PIGH: variants seen among roughly 807,000 people sequenced by gnomAD.
The protein encoded by PIGH is phosphatidylinositol N-acetylglucosaminyltransferase subunit H.
Under a neutral mutation model 20.1 loss-of-function variants are expected in PIGH, and 11 were observed. The observed-to-expected ratio is 0.55, with a 90% CI of 0.34 to 0.91. The LOEUF is 0.91. PIGH is among the 40% of genes least tolerant of loss of function. PIGH has a pLI of 0.02. For missense variants in PIGH, 189 were observed against 233.6 expected (o/e 0.81, Z 1.24); for synonymous variants, 72 against 93.1 (o/e 0.77, Z 1.31).
In PIGH at chr14:67,600,179, C is replaced by G; in HGVS notation, c.25G>C (p.Asp9His). The G allele has an allele frequency of 6.3e-7, 1 of 1,586,592 alleles. No homozygotes were observed. The highest frequency in any genetic ancestry group is 1.7e-4 in the Middle Eastern group (1 of 6,016). Reference protein sequence around the residue: MEDERSFSDICGGRLALQR... With the variant: MEDERSFSHICGGRLALQR... ...AGCGCCAGGCGGCCGCCGCAGATATCCGAAAAGCTCCGCTCATCCTCCATG... is the reference window on the plus strand; with the variant it reads ...AGCGCCAGGCGGCCGCCGCAGATATGCGAAAAGCTCCGCTCATCCTCCATG... The change falls in exon 1 of 4, where the codon GAT (aspartate) becomes CAT (histidine). Residue 9 changes from aspartate to histidine, a missense_variant. Physicochemically the swap from Asp to His is moderately conservative, Grantham distance 81. Coordinates refer to ENST00000216452, the MANE Select transcript of PIGH (RefSeq NM_004569.5).
chr14:67,598,957 GCC>G (rs892770630), intron 1 of PIGH, among the ~76,000 whole-genome samples: 4 of 151,922 alleles, frequency 2.6e-5, no homozygotes, highest in African/African-American at 9.7e-5. Flanking sequence ...TGATCCGCCC[GCC>G]TCAGCTTCCC....
chr14:67,593,725 T>TA lies in PIGH; in HGVS notation c.390+17dup. 1 of 1,531,800 alleles carries TA rather than the reference T, an allele frequency of 6.5e-7. No homozygotes were observed. The highest frequency in any genetic ancestry group is 9.0e-7 in the Non-Finnish European group (1 of 1,105,314). The allele number at this position is 1,531,800 out of a possible 1,614,324, so 94.9% of individuals were successfully genotyped here. ...CTCCTCCAGAGAGGCCTGTAATACT[T>TA]ACCTTTTAAATACTTACCATGTAAA... On this transcript the variant is annotated intron_variant, in intron 2 of 3. Transcript: ENST00000216452.
chr14:67,597,417 G>GT (rs565565581), intron 1 of PIGH, among the ~76,000 whole-genome samples: 223 of 152,168 alleles, frequency 1.5e-3, no homozygotes, highest in African/African-American at 5.2e-3. Context: ...GACTGAGGCT[G>GT]TAGTGAGGGG....
chr14:67,599,409 A>G (rs2036532662), intron 1 of PIGH, among the ~76,000 whole-genome samples: 1 of 152,240 alleles, frequency 6.6e-6, no homozygotes. Context: ...GAATCTGGAA[A>G]TTGAGCACAG....
intron 1 of PIGH, among the ~76,000 whole-genome samples, chr14:67,599,231 C>T (rs2036529001): frequency 6.6e-6 from 1 of 152,180 alleles, no homozygotes; most frequent in Non-Finnish European, 1.5e-5. Flanking sequence ...TCAATTCAGG[C>T]ACTACATATG....
At chr14:67,594,210 G>A (rs1000295949) in intron 1 of PIGH, among the ~76,000 whole-genome samples, 3 of 152,180 alleles carry the variant, frequency 2.0e-5, no homozygotes, top group African/African-American at 4.8e-5. Flanking sequence ...TCAGCTGAAC[G>A]CAGTAGCTTG....
At chr14:67,594,763 T>C (rs2036439515) in intron 1 of PIGH, among the ~76,000 whole-genome samples, 2 of 152,198 alleles carry the variant, frequency 1.3e-5, no homozygotes, top group Admixed American at 6.5e-5. Flanking sequence ...TATTTAGTTC[T>C]AGCACTCAAA....
chr14:67,590,144 A>T lies in PIGH; in HGVS notation c.503T>A (p.Ile168Asn). ...QSAKPRLDCL[I>N]EVYRSCQEIL... ...CTCCTGGCAGCTCCTGTATACTTCA[A>T]TCAAGCAGTCCAGCCGGGGCTTGGC... The change falls in exon 4 of 4, where the codon ATT (isoleucine) becomes AAT (asparagine). Residue 168 changes from isoleucine (I) to asparagine (N), a missense_variant. Ile to Asn is a moderately radical substitution (Grantham distance 149). Coordinates refer to ENST00000216452, the MANE Select transcript of PIGH (RefSeq NM_004569.5). The T allele has an allele frequency of 6.4e-7, 1 of 1,551,212 alleles. No homozygotes were observed. The highest frequency in any genetic ancestry group is 8.7e-7 in the Non-Finnish European group (1 of 1,146,814).
Position 67,592,235 on chromosome 14 carries a change from G to T in PIGH, c.474+400C>A, listed in dbSNP as rs1175781402. The T allele has an allele frequency of 1.1e-5, 3 of 277,798 alleles. No homozygotes were observed. The Admixed American group carries it at 1.4e-4, about 13-fold the overall frequency. The allele number at this position is 277,798 out of a possible 1,614,324, so 17.2% of individuals were successfully genotyped here. ...GAATTGCTTGAACTCAGGAGTTCAAGATCAGCCTAGGCAACATGGCAAGAC... is the reference window on the plus strand; with the variant it reads ...GAATTGCTTGAACTCAGGAGTTCAATATCAGCCTAGGCAACATGGCAAGAC... On this transcript the variant is annotated intron_variant, in intron 3 of 3. Transcript: ENST00000216452.
At chr14:67,592,584 A>C (rs752882117) in intron 3 of PIGH, 51 bp downstream of exon 3, 10 of 1,079,348 alleles carry the variant, frequency 9.3e-6, no homozygotes, top group Admixed American at 1.8e-5. Flanking sequence ...TACATTCCTA[A>C]TGAAAAGGTT....
chr14:67,593,904 G>A lies in PIGH; in HGVS notation c.229C>T (p.Leu77Phe), dbSNP rs370375274. 1.1e-5 allele frequency: 18 copies of A among 1,613,430 alleles called. No homozygotes were observed. Among genetic ancestry groups the A allele is most frequent in the Non-Finnish European group, 1.4e-5 (17 of 1,179,612 alleles). ...ATCTTCACAAAATGGAGATAACCAA[G>A]CAGACCTAAGAGGGTGATGAAGATG... Reference protein sequence around the residue: ...AAIFITLLGLLGYLHFVKIDQ... With the variant: ...AAIFITLLGLFGYLHFVKIDQ... The change falls in exon 2 of 4, where the codon CTT becomes TTT. Residue 77 changes from leucine (L) to phenylalanine (F), a missense_variant. Coordinates refer to ENST00000216452, the MANE Select transcript of PIGH (RefSeq NM_004569.5).
At chr14:67,597,904 A>C (rs1460846730) in intron 1 of PIGH, among the ~76,000 whole-genome samples, 1 of 152,236 alleles carries the variant, frequency 6.6e-6, no homozygotes, top group Non-Finnish European at 1.5e-5. Flanking sequence ...GGTTGGAATA[A>C]ACAAGGGAAC....
intron 2 of PIGH, chr14:67,593,109 G>A (rs1321289491): frequency 5.9e-6 from 1 of 169,334 alleles, no homozygotes; most frequent in South Asian, 1.5e-4. Context: ...TCTAAGGGAA[G>A]GCTCAACACT....
In PIGH at chr14:67,589,580, A is replaced by G. The variant is rs1209798760; in HGVS notation, c.*500T>C. On this transcript the variant is annotated 3_prime_UTR_variant, in exon 4 of 4. Coordinates refer to ENST00000216452, the MANE Select transcript of PIGH (RefSeq NM_004569.5). Reference sequence around the variant, plus strand: ...TCTGTTTATTAACAGTAAATAAATAAGCCCTGTACAGAACACAGGCACTAG... The same window carrying G: ...TCTGTTTATTAACAGTAAATAAATAGGCCCTGTACAGAACACAGGCACTAG... The G allele has an allele frequency of 2.0e-6, 2 of 985,318 alleles. No individual in the cohort carries two copies. Among genetic ancestry groups the G allele is most frequent in the African/African-American group, 3.5e-5 (2 of 57,230 alleles). 61.0% of individuals were successfully genotyped at this position (985,318 alleles called of 1,614,324 possible).
rs1004169544 is a variant in PIGH at position 67,590,187 on chromosome 14, G to A, written c.475-15C>T. The A allele has an allele frequency of 1.9e-6, 3 of 1,546,032 alleles. No homozygotes were observed. Among genetic ancestry groups the A allele is most frequent in the Non-Finnish European group, 2.6e-6 (3 of 1,145,086 alleles). On this transcript the variant is annotated splice_polypyrimidine_tract_variant and intron_variant, in intron 3 of 3. Transcript: ENST00000216452. ...GGCTTGGCACTCTGAATTCCAAAGG[G>A]GAGAAATGCGGAGTCAAGGTGAGAA...
chr14:67,595,135 TA>T (rs11345212), intron 1 of PIGH, among the ~76,000 whole-genome samples: 109,244 of 151,378 alleles, frequency 0.72, 40,685 homozygotes, highest in Middle Eastern at 0.83. Flanking sequence ...AGACTCCGTC[TA>T]AAAAAAATAA....
At position 67,589,618 on chromosome 14, in the gene PIGH, G is replaced by A. The variant is rs1379760848; in HGVS notation, c.*462C>T. 2.0e-4 allele frequency: 202 copies of A among 985,740 alleles called. No individual in the cohort carries two copies. Among genetic ancestry groups the A allele is most frequent in the Non-Finnish European group, 2.3e-4 (191 of 830,094 alleles). 61.1% of individuals were successfully genotyped at this position (985,740 alleles called of 1,614,324 possible). ...ACACAGGCACTAGGTTGACAGACTCGTCTTTTGTAGGACATTTCTTCCTGC... is the reference window on the plus strand; with the variant it reads ...ACACAGGCACTAGGTTGACAGACTCATCTTTTGTAGGACATTTCTTCCTGC... On this transcript the variant is annotated 3_prime_UTR_variant, in exon 4 of 4. Coordinates refer to ENST00000216452, the MANE Select transcript of PIGH (RefSeq NM_004569.5).
At position 67,600,208 on chromosome 14, in the gene PIGH, C is replaced by G; in HGVS notation, c.-5G>C. On this transcript the variant is annotated 5_prime_UTR_variant, in exon 1 of 4. Coordinates refer to ENST00000216452, the MANE Select transcript of PIGH (RefSeq NM_004569.5). ...AAAGCTCCGCTCATCCTCCATGACGCCCCCACTCGGCCGCCCGCACCGCGC... is the reference window on the plus strand; with the variant it reads ...AAAGCTCCGCTCATCCTCCATGACGGCCCCACTCGGCCGCCCGCACCGCGC... The G allele has an allele frequency of 1.3e-6, 2 of 1,566,788 alleles. No individual in the cohort carries two copies. The highest frequency in any genetic ancestry group is 8.6e-7 in the Non-Finnish European group (1 of 1,157,464).
rs760068160 is a variant in PIGH, at chr14:67,592,665, A to G, written c.444T>C (p.His148=). Reference sequence around the variant, plus strand: ...AGACGGGTACTACTTGGGATATCCCATGTGGTTCCACTGGATCTTTCAATA... The same window carrying G: ...AGACGGGTACTACTTGGGATATCCCGTGTGGTTCCACTGGATCTTTCAATA... The part of the protein sequence containing the change: ...CILLKDPVEP[H]GISQVVPVFQ... Residue 148 remains histidine (H), a synonymous_variant, in exon 3 of 4, where the codon CAT becomes CAC. Transcript: ENST00000216452. 2.3e-5 allele frequency: 37 copies of G among 1,608,858 alleles called. No homozygotes were observed. In the South Asian group the frequency reaches 4.0e-4, roughly 17 times the overall value.
Sources: allele counts gnomAD v4.1 joint callset (sites outside exome capture counted in the v4.1 genomes callset), GRCh38; gene constraint gnomAD v4.1.1; transcripts MANE v1.5; gene names NCBI Gene and HGNC (gene_info 2026-07-23, HGNC 2026-07-21).